The following MAF variants were observed in gnomAD, a reference collection of about 807,000 sequenced individuals.
MAF encodes the protein transcription factor Maf.
MAF carries 10 observed loss-of-function variants against 22.0 expected under a neutral mutation model. That is an observed-to-expected ratio of 0.45 (90% CI 0.28 to 0.77). The LOEUF is 0.77. Among genes scored for constraint, MAF ranks in the 30% least tolerant of loss-of-function variants. The pLI is 0.12. For missense variants in MAF, 544 were observed against 548.4 expected (o/e 0.99, Z 0.08); for synonymous variants, 337 against 255.8 (o/e 1.32, Z -3.03).
At chr16:79,453,358 G>T in the MAF span, among the ~76,000 whole-genome samples, 13 of 152,186 alleles carry the variant, frequency 8.5e-5, no homozygotes, top group South Asian at 2.7e-3. Context: ...GATGGCATCC[G>T]GTAACAATTT....
the MAF span, among the ~76,000 whole-genome samples, chr16:79,369,987 G>C: frequency 0.69 from 105,390 of 152,172 alleles, 37,744 homozygotes; most frequent in East Asian, 0.96. Flanking sequence ...TTGGCACTCA[G>C]TAGAAATGTC....
the MAF span, among the ~76,000 whole-genome samples, chr16:79,210,236 C>G: frequency 2.0e-4 from 31 of 152,288 alleles, no homozygotes; most frequent in African/African-American, 7.2e-4. Context: ...AAGCTAAAAC[C>G]AAACAACAAT....
chr16:79,347,533 C>A, the MAF span, among the ~76,000 whole-genome samples: 3 of 152,222 alleles, frequency 2.0e-5, no homozygotes, highest in Non-Finnish European at 4.4e-5. Context: ...TCTGACACGG[C>A]TCCCAGCCCT....
chr16:79,488,039 A>G, the MAF span, among the ~76,000 whole-genome samples: 1 of 152,216 alleles, frequency 6.6e-6, no homozygotes, highest in Non-Finnish European at 1.5e-5. Flanking sequence ...AACTATTTGC[A>G]TCAAGCATCG....
chr16:79,276,350 T>C, the MAF span, among the ~76,000 whole-genome samples: 1 of 152,130 alleles, frequency 6.6e-6, no homozygotes, highest in East Asian at 1.9e-4. Context: ...CACAGATTTG[T>C]CATCCAAGAA....
chr16:79,390,066 T>C, the MAF span, among the ~76,000 whole-genome samples: 4 of 150,862 alleles, frequency 2.7e-5, no homozygotes, highest in Non-Finnish European at 5.9e-5. Context: ...TCACATGGCA[T>C]GTGTGAGCAT....
the MAF span, among the ~76,000 whole-genome samples, chr16:79,347,354 ACAG>A: frequency 6.6e-6 from 1 of 152,202 alleles, no homozygotes; most frequent in East Asian, 1.9e-4. Flanking sequence ...TGGGTCACAG[ACAG>A]CAGCATGCGA....
the MAF span, among the ~76,000 whole-genome samples, chr16:79,446,893 G>A: frequency 1.3e-5 from 2 of 152,050 alleles, no homozygotes; most frequent in Admixed American, 1.3e-4. Flanking sequence ...TCCAGCCTGG[G>A]TGACAGAGTG....
chr16:79,283,932 A>G, the MAF span, among the ~76,000 whole-genome samples: 1 of 143,794 alleles, frequency 7.0e-6, no homozygotes, highest in Non-Finnish European at 1.5e-5. Flanking sequence ...CTTCCATTTA[A>G]GTGAAACCAT....
chr16:79,377,853 T>C, the MAF span, among the ~76,000 whole-genome samples: 1 of 152,206 alleles, frequency 6.6e-6, no homozygotes, highest in African/African-American at 2.4e-5. Context: ...TGCAGCATTA[T>C]TTCTGAGGGC....
the MAF span, among the ~76,000 whole-genome samples, chr16:79,355,357 C>G: frequency 2.0e-5 from 3 of 152,238 alleles, no homozygotes; most frequent in Non-Finnish European, 4.4e-5. Flanking sequence ...TGTGGTCGTC[C>G]TGTCCCCAGG....
chr16:79,337,052 G>A, the MAF span, among the ~76,000 whole-genome samples: 1 of 152,138 alleles, frequency 6.6e-6, no homozygotes, highest in Non-Finnish European at 1.5e-5. Context: ...ATAGGCTCTG[G>A]CATGCTCCCT....
chr16:79,210,007 G>C, the MAF span, among the ~76,000 whole-genome samples: 1 of 152,166 alleles, frequency 6.6e-6, no homozygotes, highest in Non-Finnish European at 1.5e-5. Flanking sequence ...AGATTGGGGA[G>C]GTAACAAACC....
chr16:79,540,083 C>T, the MAF span, among the ~76,000 whole-genome samples: 1 of 152,072 alleles, frequency 6.6e-6, no homozygotes, highest in Non-Finnish European at 1.5e-5. Context: ...AGAATTGAGA[C>T]TGCAGTGGTA....
the MAF span, among the ~76,000 whole-genome samples, chr16:79,370,856 T>C: frequency 2.0e-5 from 3 of 151,754 alleles, no homozygotes; most frequent in East Asian, 5.8e-4. Context: ...AGTGGTGTGG[T>C]TGTCTTTCTC....
the MAF span, among the ~76,000 whole-genome samples, chr16:79,354,446 C>A: frequency 6.6e-6 from 1 of 152,112 alleles, no homozygotes; most frequent in African/African-American, 2.4e-5. Flanking sequence ...GCCACATGTA[C>A]CTTTCGGCCA....
At chr16:79,444,099 T>C in the MAF span, among the ~76,000 whole-genome samples, 4 of 152,076 alleles carry the variant, frequency 2.6e-5, no homozygotes, top group African/African-American at 9.7e-5. Flanking sequence ...GGTAATTATG[T>C]AGGGAAAAAT....
the MAF span, among the ~76,000 whole-genome samples, chr16:79,548,539 T>C: frequency 1.3e-3 from 205 of 152,354 alleles, 1 homozygote; most frequent in African/African-American, 4.3e-3. Context: ...GAAAGTGTTC[T>C]AGCATGATAC....
At chr16:79,329,909 T>G in the MAF span, among the ~76,000 whole-genome samples, 1,174 of 152,002 alleles carry the variant, frequency 7.7e-3, 17 homozygotes, top group African/African-American at 0.027. Context: ...TTAATATCCA[T>G]ACAGCATAAA....
Sources: allele counts gnomAD v4.1 joint callset (sites outside exome capture counted in the v4.1 genomes callset), GRCh38; gene constraint gnomAD v4.1.1; transcripts MANE v1.5; gene names NCBI Gene and HGNC (gene_info 2026-07-23, HGNC 2026-07-21).